The following PRPF3 variants were observed in gnomAD, a reference collection of about 807,000 sequenced individuals.
PRPF3 encodes the protein pre-mRNA processing factor 3.
Under a neutral mutation model 89.2 loss-of-function variants are expected in PRPF3, and 3 were observed. The ratio of observed to expected loss-of-function variants is 0.03; its 90% CI spans 0.02 to 0.09. PRPF3 has a LOEUF of 0.09. Among genes scored for constraint, PRPF3 ranks in the 10% least tolerant of loss-of-function variants. PRPF3 has a pLI of 1.00. For missense variants in PRPF3, 463 were observed against 828.8 expected (o/e 0.56, Z 5.42); for synonymous variants, 270 against 289.1 (o/e 0.93, Z 0.67).
At chr1:150,352,681 C>A in intron 15 of PRPF3, 152 bp from the exon 16 acceptor site, 1 of 797,324 alleles carries the variant, frequency 1.3e-6, no homozygotes, top group Non-Finnish European at 2.0e-6. Flanking sequence ...ACACAAATAT[C>A]CAAGGAAATG....
chr1:150,350,447 C>T (rs1259828524), intron 15 of PRPF3, among the ~76,000 whole-genome samples: 2 of 152,104 alleles, frequency 1.3e-5, no homozygotes, highest in Non-Finnish European at 2.9e-5. Flanking sequence ...GTCCGACTGC[C>T]TTGGCCTCCC....
At chr1:150,340,559 C>A in intron 9 of PRPF3, 82 bp downstream of exon 9, 2 of 1,090,600 alleles carry the variant, frequency 1.8e-6, no homozygotes, top group Non-Finnish European at 2.8e-6. Flanking sequence ...TGTTCTGTAT[C>A]TATGCTGTTC....
intron 11 of PRPF3, 39 bp downstream of exon 11, chr1:150,344,300 A>G: frequency 6.2e-7 from 1 of 1,613,494 alleles, no homozygotes; most frequent in African/African-American, 1.3e-5. Context: ...TCGGGCAAGT[A>G]CCTTTCCCAA....
At chr1:150,347,106 G>C (rs1345922112) in intron 14 of PRPF3, among the ~76,000 whole-genome samples, 2 of 151,522 alleles carry the variant, frequency 1.3e-5, no homozygotes, top group Non-Finnish European at 2.9e-5. Context: ...AAAAGAAAAA[G>C]CAAATCTAGT....
At chr1:150,329,502 T>C (rs1206746252) in intron 4 of PRPF3, among the ~76,000 whole-genome samples, 1 of 152,180 alleles carries the variant, frequency 6.6e-6, no homozygotes, top group East Asian at 1.9e-4. Context: ...TTAAATGAAA[T>C]GATCAGAACT....
rs66790680 is a variant in PRPF3 at position 150,343,248 on chromosome 1, AATAT to A, written c.1283-46_1283-43del. The A allele has an allele frequency of 0.17, 77,581 of 448,112 alleles. 2,041 individuals are homozygous for A. Among genetic ancestry groups the A allele is most frequent in the Non-Finnish European group, 0.19 (69,126 of 360,676 alleles). The allele number at this position is 448,112 out of a possible 1,614,324, so 27.8% of individuals were successfully genotyped here. On this transcript the variant is annotated intron_variant, in intron 9 of 15. Transcript: ENST00000324862. ...CAGAGTGAGAGAGAGAAAAAAAAAAAATATATATATATATATATGTATTCTTACT... is the reference window on the plus strand; with the variant it reads ...CAGAGTGAGAGAGAGAAAAAAAAAAAATATATATATATATGTATTCTTACT...
intron 2 of PRPF3, 133 bp downstream of exon 2, chr1:150,325,220 T>C: frequency 1.1e-6 from 1 of 947,562 alleles, no homozygotes; most frequent in Non-Finnish European, 1.5e-6. Flanking sequence ...ACCTGTATTA[T>C]AGTGAAAATA....
At chr1:150,349,345 T>C in intron 15 of PRPF3, 127 bp downstream of exon 15, 1 of 794,158 alleles carries the variant, frequency 1.3e-6, no homozygotes, top group Non-Finnish European at 2.1e-6. Flanking sequence ...ATGTTTCTTT[T>C]TGGAATCCAT....
At position 150,342,367 on chromosome 1, in the gene PRPF3, G is replaced by A. The variant is rs186475962; in HGVS notation, c.1283-942G>A. On this transcript the variant is annotated intron_variant, in intron 9 of 15. Coordinates refer to ENST00000324862, the MANE Select transcript of PRPF3 (RefSeq NM_004698.4). The stretch of plus-strand genomic sequence containing the variant: ...TGCACTCCAGCCTGGGCAGCAGAGC[G>A]AGACTCCGTCTCAACAAAAGGAAAG... Among the ~76,000 whole-genome samples, 224 of 152,174 alleles carry A rather than the reference G, an allele frequency of 1.5e-3. 1 individual carries two copies. Among genetic ancestry groups the A allele is most frequent in the African/African-American group, 5.0e-3 (207 of 41,550 alleles).
intron 8 of PRPF3, among the ~76,000 whole-genome samples, chr1:150,338,784 G>A (rs1170541388): frequency 6.6e-6 from 1 of 152,066 alleles, no homozygotes; most frequent in East Asian, 1.9e-4. Context: ...CAAAGTGCTG[G>A]GATTACAGGC....
intron 8 of PRPF3, 65 bp downstream of exon 8, chr1:150,338,391 T>G: frequency 6.8e-7 from 1 of 1,474,660 alleles, no homozygotes; most frequent in Non-Finnish European, 9.4e-7. Flanking sequence ...AGACTCAAGT[T>G]AATACCTTTT....
intron 13 of PRPF3, 35 bp downstream of exon 13, chr1:150,346,171 G>A (rs1560116639): frequency 1.3e-6 from 2 of 1,556,142 alleles, no homozygotes; most frequent in Non-Finnish European, 1.8e-6. Flanking sequence ...ACTGTCCCCA[G>A]ACAACCCTAG....
chr1:150,351,540 G>A (rs1187400261), intron 15 of PRPF3, among the ~76,000 whole-genome samples: 1 of 151,072 alleles, frequency 6.6e-6, no homozygotes, highest in Non-Finnish European at 1.5e-5. Flanking sequence ...TTGCTCTATT[G>A]CTCAGGCTGG....
At position 150,352,923 on chromosome 1, in the gene PRPF3, G is replaced by A; in HGVS notation, c.1996G>A (p.Ala666Thr). 1 of 1,614,140 alleles carries A rather than the reference G, an allele frequency of 6.2e-7. No individual in the cohort carries two copies. The highest frequency in any genetic ancestry group is 8.5e-7 in the Non-Finnish European group (1 of 1,180,026). The change falls in exon 16 of 16, where the codon GCT (alanine) becomes ACT (threonine). Residue 666 changes from alanine (A) to threonine (T), a missense_variant. Coordinates refer to ENST00000324862, the MANE Select transcript of PRPF3 (RefSeq NM_004698.4). ...TCGTGAGCATTTCAAAAAGCATGGG[G>A]CTGAACACTACTGGGACCTTGCGCT... ...MAREHFKKHG[A>T]EHYWDLALSE... is the part of the protein sequence containing the mutation.
In PRPF3 at chr1:150,324,881, T is replaced by TTTTA; in HGVS notation, c.-48-11_-48-10insATTT. On this transcript the variant is annotated splice_polypyrimidine_tract_variant and intron_variant, in intron 1 of 15. Transcript: ENST00000324862. ...CTTTTCTTATTCTCTAACTTGTCTC[T>TTTTA]TTTTTTTTTTTAGGTGTAGTATTGA... is the stretch of plus-strand genomic sequence containing the variant. 1.5e-6 allele frequency: 2 copies of TTTTA among 1,329,358 alleles called. No homozygotes were observed. 82.3% of individuals were successfully genotyped at this position (1,329,358 alleles called of 1,614,324 possible).
chr1:150,322,856 A>G (rs957491413), intron 1 of PRPF3, among the ~76,000 whole-genome samples: 1 of 143,912 alleles, frequency 6.9e-6, no homozygotes, highest in South Asian at 2.2e-4. Flanking sequence ...CAGTCAATTT[A>G]TTGACTCCCA....
At chr1:150,338,431 G>A in intron 8 of PRPF3, 105 bp downstream of exon 8, 1 of 1,126,276 alleles carries the variant, frequency 8.9e-7, no homozygotes, top group Admixed American at 2.0e-5. Context: ...TGGGAAGGAT[G>A]GTACTCATTC....
chr1:150,341,828 G>A (rs587656848), intron 9 of PRPF3, among the ~76,000 whole-genome samples: 7 of 151,020 alleles, frequency 4.6e-5, no homozygotes, highest in Non-Finnish European at 7.4e-5. Flanking sequence ...CTTAGCCTCC[G>A]GAGTAGCTTG....
chr1:150,344,355 GT>G (rs1180572672), intron 11 of PRPF3, 78 bp from the exon 12 acceptor site: 1 of 1,613,836 alleles, frequency 6.2e-7, no homozygotes, highest in African/African-American at 1.3e-5. Context: ...AGAGTTCTCC[GT>G]TGCTCTCTCT....
Sources: allele counts gnomAD v4.1 joint callset (sites outside exome capture counted in the v4.1 genomes callset), GRCh38; gene constraint gnomAD v4.1.1; transcripts MANE v1.5; gene names NCBI Gene and HGNC (gene_info 2026-07-23, HGNC 2026-07-21).